The following C8B variants were observed in gnomAD, a reference collection of about 807,000 sequenced individuals.
The protein encoded by C8B is complement component C8 beta chain.
Under a neutral mutation model 64.6 loss-of-function variants are expected in C8B, and 67 were observed. The observed-to-expected ratio is 1.04, with a 90% CI of 0.85 to 1.27. The LOEUF (loss-of-function observed/expected upper bound fraction) is 1.27, where lower values mean the gene tolerates loss of function less well. Among genes scored for constraint, C8B ranks in the 50% most tolerant of loss-of-function variants. The pLI is 0.00. For missense variants in C8B, 790 were observed against 725.2 expected, an observed-to-expected ratio of 1.09 and a Z score of -1.03; for synonymous variants, 284 against 257.7, an observed-to-expected ratio of 1.10 and a Z score of -0.98.
At chr1:56,954,022 C>G (rs1290149304) in intron 4 of C8B, among the ~76,000 whole-genome samples, 1 of 152,088 alleles carries the variant, frequency 6.6e-6, no homozygotes, top group African/African-American at 2.4e-5. Flanking sequence ...GTCAGTGTTC[C>G]CCTCCCCAGG....
rs142113157 is a variant in C8B at position 56,939,285 on chromosome 1, G to T, written c.1398+1564C>A. On this transcript the variant is annotated intron_variant, in intron 9 of 11. Coordinates refer to ENST00000371237, the MANE Select transcript of C8B (RefSeq NM_000066.4). ...TCGGCCAAGCCCAGATTTCTCAGGA[G>T]CCCCTGCAGCTCAGCTGATTTTATC... 2.5e-3 allele frequency among the ~76,000 whole-genome samples: 374 copies of T among 152,332 alleles called. 1 individual carries two copies. The highest frequency in any genetic ancestry group is 0.017 in the Middle Eastern group (5 of 294).
rs780288681 is a variant in C8B, at chr1:56,945,873, C to T, written c.1053G>A (p.Gly351=). The T allele has an allele frequency of 3.0e-5, 49 of 1,614,080 alleles. No homozygotes were observed. The South Asian group carries it at 5.1e-4, about 17-fold the overall frequency. Residue 351 remains glycine, a synonymous_variant, in exon 7 of 12, where the codon GGG becomes GGA. Coordinates refer to ENST00000371237, the MANE Select transcript of C8B (RefSeq NM_000066.4). Reference sequence around the variant, plus strand: ...TAACGAGGGTGTATTCATAAATGCCCCCAAGCACAGCCTCTGTGATGTAGT... The same window carrying T: ...TAACGAGGGTGTATTCATAAATGCCTCCAAGCACAGCCTCTGTGATGTAGT... ...GTHYITEAVL[G]GIYEYTLVMN... is the part of the protein sequence containing the mutation.
At chr1:56,930,658 C>T (rs1199558204) in intron 11 of C8B, among the ~76,000 whole-genome samples, 1 of 152,150 alleles carries the variant, frequency 6.6e-6, no homozygotes, top group Non-Finnish European at 1.5e-5. Context: ...TCCACACTTC[C>T]TAATTGTGTG....
chr1:56,956,852 G>C lies in C8B; in HGVS notation c.308C>G (p.Ser103Cys). The C allele has an allele frequency of 1.2e-6, 2 of 1,614,078 alleles. No homozygotes were observed. Among genetic ancestry groups the C allele is most frequent in the Non-Finnish European group, 1.7e-6 (2 of 1,179,962 alleles). ...AACACAGTCTTCGACTTCCTTGTCA[G>C]AGAAGTTGCACGGTTCCCCATGGAA... is the stretch of plus-strand genomic sequence containing the variant. ...SQFHGEPCNF[S>C]DKEVEDCVTN... The change falls in exon 3 of 12, where the codon TCT (serine) becomes TGT (cysteine). Residue 103 changes from serine to cysteine, a missense_variant. Ser to Cys is a moderately radical substitution (Grantham distance 112). Transcript: ENST00000371237.
intron 1 of C8B, among the ~76,000 whole-genome samples, chr1:56,963,455 C>G (rs530391543): frequency 9.1e-4 from 138 of 152,204 alleles, no homozygotes; most frequent in Non-Finnish European, 1.6e-3. Flanking sequence ...TTCAATTTCT[C>G]TTCTCTCTGT....
chr1:56,937,906 T>G (rs1644797615), intron 9 of C8B, among the ~76,000 whole-genome samples: 1 of 152,222 alleles, frequency 6.6e-6, no homozygotes, highest in Non-Finnish European at 1.5e-5. Context: ...CCTCAGTTGT[T>G]GCTCCATTTT....
intron 7 of C8B, among the ~76,000 whole-genome samples, 200 bp from the exon 8 acceptor site, chr1:56,944,024 T>G (rs560059928): frequency 6.6e-6 from 1 of 152,200 alleles, no homozygotes; most frequent in Non-Finnish European, 1.5e-5. Context: ...AGGTCCAGCT[T>G]CCCTTTCAGC....
At chr1:56,942,819 C>T (rs954071982) in intron 8 of C8B, among the ~76,000 whole-genome samples, 1 of 152,032 alleles carries the variant, frequency 6.6e-6, no homozygotes, top group Non-Finnish European at 1.5e-5. Flanking sequence ...CCTGTAATTC[C>T]AGCACTTTGA....
At chr1:56,941,818 G>T (rs1461803408) in intron 8 of C8B, among the ~76,000 whole-genome samples, 1 of 152,164 alleles carries the variant, frequency 6.6e-6, no homozygotes, top group Non-Finnish European at 1.5e-5. Context: ...CTCCAAACTG[G>T]CTCCTGCAGG....
At chr1:56,961,790 G>A (rs545963123) in intron 1 of C8B, among the ~76,000 whole-genome samples, 8 of 152,140 alleles carry the variant, frequency 5.3e-5, no homozygotes, top group Admixed American at 2.6e-4. Flanking sequence ...GTCCATGACC[G>A]CCACAGAGAC....
chr1:56,955,267 G>T (rs1645085865), intron 3 of C8B, among the ~76,000 whole-genome samples: 1 of 152,230 alleles, frequency 6.6e-6, no homozygotes, highest in Admixed American at 6.5e-5. Flanking sequence ...AGGAAGTGCT[G>T]TGTAAGTGTT....
chr1:56,929,447 C>A lies in C8B; in HGVS notation c.1733G>T (p.Ser578Ile). ...TTCTGAAGCAGGGCCTGAACAGGGG[C>A]TACCCCCATTTTGAGGAGGTGGATT... Reference protein sequence around the residue: ...CNNPPPQNGGSPCSGPASETL... With the variant: ...CNNPPPQNGGIPCSGPASETL... Residue 578 changes from serine to isoleucine, a missense_variant, in exon 12 of 12, where the codon AGC becomes ATC. Transcript: ENST00000371237. The A allele has an allele frequency of 6.2e-7, 1 of 1,612,654 alleles. No individual in the cohort carries two copies. The highest frequency in any genetic ancestry group is 8.5e-7 in the Non-Finnish European group (1 of 1,179,926).
chr1:56,960,490 C>A (rs1452681971), intron 1 of C8B, among the ~76,000 whole-genome samples: 1 of 152,210 alleles, frequency 6.6e-6, no homozygotes, highest in African/African-American at 2.4e-5. Context: ...AAACATGCCT[C>A]ACGCCCTAGC....
intron 1 of C8B, chr1:56,963,824 T>A: frequency 1.0e-6 from 1 of 977,426 alleles, no homozygotes; most frequent in South Asian, 4.7e-5. Flanking sequence ...TGGCACAGAG[T>A]GGCAATACAT....
chr1:56,945,105 T>C lies in C8B; in HGVS notation c.1105+716A>G, dbSNP rs138111960. ...GCAGCATCAGGGTCACTCCAAAGCT[T>C]GTTAGAAATGCACTCTTAGGTCTCA... On this transcript the variant is annotated intron_variant, in intron 7 of 11. Coordinates refer to ENST00000371237, the MANE Select transcript of C8B (RefSeq NM_000066.4). Among the ~76,000 whole-genome samples the C allele has an allele frequency of 1.7e-3, 259 of 152,292 alleles. 3 individuals carry two copies. Among genetic ancestry groups the C allele is most frequent in the East Asian group, 7.7e-3 (40 of 5,176 alleles).
At chr1:56,936,606 T>C (rs927860772) in intron 9 of C8B, among the ~76,000 whole-genome samples, 4 of 151,552 alleles carry the variant, frequency 2.6e-5, no homozygotes, top group African/African-American at 7.3e-5. Context: ...CTTTTCTTTT[T>C]TTTTTTGAGA....
intron 11 of C8B, 38 bp downstream of exon 11, chr1:56,931,772 T>C (rs1399984488): frequency 7.0e-7 from 1 of 1,419,922 alleles, no homozygotes. Flanking sequence ...TGAATTATTC[T>C]CTGGACCTCC....
At chr1:56,930,936 TACAGGC>T (rs1034763991) in intron 11 of C8B, among the ~76,000 whole-genome samples, 29 of 152,190 alleles carry the variant, frequency 1.9e-4, no homozygotes, top group Admixed American at 1.8e-3. Flanking sequence ...ATATTCATCT[TACAGGC>T]ACAGAAACTG....
chr1:56,948,190 T>C (rs1644970998), intron 6 of C8B, among the ~76,000 whole-genome samples: 1 of 152,134 alleles, frequency 6.6e-6, no homozygotes, highest in Non-Finnish European at 1.5e-5. Flanking sequence ...AGGAAGCAGA[T>C]GATATGATCA....
Sources: allele counts gnomAD v4.1 joint callset (sites outside exome capture counted in the v4.1 genomes callset), GRCh38; gene constraint gnomAD v4.1.1; transcripts MANE v1.5; gene names NCBI Gene and HGNC (gene_info 2026-07-23, HGNC 2026-07-21).